The following RASA1 variants were observed in gnomAD, a reference collection of about 807,000 sequenced individuals.
RASA1 encodes RAS p21 protein activator 1, also known as ras GTPase-activating protein 1.
In RASA1, 25 loss-of-function variants were observed where a neutral mutation model predicts 132.2. The ratio of observed to expected loss-of-function variants is 0.19; its 90% CI spans 0.14 to 0.26. RASA1 has a LOEUF of 0.26. Among genes scored for constraint, RASA1 ranks in the 10% least tolerant of loss-of-function variants. The probability of loss-of-function intolerance (pLI) is 1.00; values close to 1 mark genes in which losing one functional copy is unlikely to be tolerated. For missense variants in RASA1, 964 were observed against 1,299.2 expected, an observed-to-expected ratio of 0.74 and a Z score of 3.97; for synonymous variants, 477 against 449.9, an observed-to-expected ratio of 1.06 and a Z score of -0.76.
At chr5:87,290,324 A>T (rs1754860224) in intron 1 of RASA1, among the ~76,000 whole-genome samples, 1 of 152,208 alleles carries the variant, frequency 6.6e-6, no homozygotes, top group Non-Finnish European at 1.5e-5. Flanking sequence ...TATTTCCCCT[A>T]GTTCACTTTT....
rs2112222218 is a variant in RASA1 at position 87,268,549 on chromosome 5, T to C, written c.98T>C (p.Val33Ala). 1 of 1,602,488 alleles carries C rather than the reference T, an allele frequency of 6.2e-7. No individual in the cohort carries two copies. Among genetic ancestry groups the C allele is most frequent in the Non-Finnish European group, 8.5e-7 (1 of 1,175,840 alleles). The change falls in exon 1 of 25, where the codon GTG becomes GCG. Residue 33 changes from valine to alanine, a missense_variant. Around this residue, in one of 6 missense-constraint regions of RASA1, gnomAD observed 326 missense variants for 275.8 expected, o/e 1.18. Coordinates refer to ENST00000274376, the MANE Select transcript of RASA1 (RefSeq NM_002890.3). ...GCGGGCTCCAGTGCCTATCCCGCAG[T>C]GTGTCGGGTGAAGATACCCGCGGCC... is the stretch of plus-strand genomic sequence containing the variant. ...AAAGSSAYPAVCRVKIPAALP... is the reference protein window; with the variant it reads ...AAAGSSAYPAACRVKIPAALP...
At chr5:87,345,083 C>G (rs192466954) in intron 6 of RASA1, among the ~76,000 whole-genome samples, 20 of 152,174 alleles carry the variant, frequency 1.3e-4, no homozygotes, top group Admixed American at 5.9e-4. Flanking sequence ...AAGAGATCCT[C>G]CTGCCTTGGC....
rs1329367433 is a variant in RASA1 at position 87,363,334 on chromosome 5, T to G, written c.1454-14T>G. On this transcript the variant is annotated splice_polypyrimidine_tract_variant and intron_variant, in intron 10 of 24. Transcript: ENST00000274376. ...TTGTTTGGCTAAGAGAAAACAATTT[T>G]TTTTTTTAAACAGGCAAAGGAAAAC... 1 of 1,594,666 alleles carries G rather than the reference T, an allele frequency of 6.3e-7. No individual in the cohort carries two copies.
intron 21 of RASA1, among the ~76,000 whole-genome samples, chr5:87,384,168 T>C (rs977967411): frequency 1.1e-4 from 17 of 152,202 alleles, no homozygotes; most frequent in Non-Finnish European, 1.9e-4. Context: ...TTAAATGATA[T>C]GTACAGTTGG....
At chr5:87,387,259 G>A (rs1288664223) in intron 23 of RASA1, among the ~76,000 whole-genome samples, 22 of 152,048 alleles carry the variant, frequency 1.4e-4, no homozygotes, top group Non-Finnish European at 2.8e-4. Context: ...TATGTGGGGC[G>A]TGAAGCAAGA....
intron 9 of RASA1, among the ~76,000 whole-genome samples, chr5:87,359,633 C>T (rs1023750930): frequency 6.6e-6 from 1 of 152,054 alleles, no homozygotes; most frequent in South Asian, 2.1e-4. Context: ...AGTGCCATCA[C>T]CATTGAACTA....
In RASA1 at chr5:87,376,517, C is replaced by T. The variant is rs781291507; in HGVS notation, c.2136C>T (p.Tyr712=). 20 of 1,613,806 alleles carry T rather than the reference C, an allele frequency of 1.2e-5. No individual in the cohort carries two copies. The highest frequency in any genetic ancestry group is 3.3e-5 in the Admixed American group (2 of 60,002). ...GGTCCCTGCGTGTTCGAGCACGATACTCTATGGAAAAAATCATGCCAGAAG... is the reference window on the plus strand; with the variant it reads ...GGTCCCTGCGTGTTCGAGCACGATATTCTATGGAAAAAATCATGCCAGAAG... ...EPGSLRVRAR[Y]SMEKIMPEEE... The change falls in exon 16 of 25, where the codon TAC becomes TAT. Residue 712 remains tyrosine (Y), a synonymous_variant. Coordinates refer to ENST00000274376, the MANE Select transcript of RASA1 (RefSeq NM_002890.3).
At chr5:87,327,233 G>T (rs766897744) in intron 1 of RASA1, among the ~76,000 whole-genome samples, 7 of 152,196 alleles carry the variant, frequency 4.6e-5, no homozygotes, top group African/African-American at 7.2e-5. Context: ...CTGAGGCTCA[G>T]AGATAAAGTA....
intron 6 of RASA1, among the ~76,000 whole-genome samples, chr5:87,344,853 A>G (rs1758738661): frequency 6.6e-6 from 1 of 151,694 alleles, no homozygotes; most frequent in South Asian, 2.1e-4. Context: ...GCTGCTTCCT[A>G]GGCCAGAATT....
intron 1 of RASA1, among the ~76,000 whole-genome samples, chr5:87,288,491 T>C (rs1427793853): frequency 6.6e-6 from 1 of 152,146 alleles, no homozygotes; most frequent in African/African-American, 2.4e-5. Context: ...GACCTGACAG[T>C]ACCTGCTTGG....
At position 87,369,147 on chromosome 5, in the gene RASA1, C is replaced by T. The variant is rs1183468551; in HGVS notation, c.1611-666C>T. ...AGTAACATTTATTGAGTTCCAAAAA[C>T]ATGCAGGCCCTTAATAAAGATTTTA... On this transcript the variant is annotated intron_variant, in intron 11 of 24. Transcript: ENST00000274376. Among the ~76,000 whole-genome samples, 3 of 152,114 alleles carry T rather than the reference C, an allele frequency of 2.0e-5. No homozygotes were observed. In the East Asian group the frequency reaches 5.8e-4, roughly 29 times the overall value.
intron 4 of RASA1, among the ~76,000 whole-genome samples, chr5:87,337,417 C>T (rs939960854): frequency 6.6e-6 from 1 of 152,038 alleles, no homozygotes; most frequent in African/African-American, 2.4e-5. Context: ...TAATGGGTAT[C>T]TGGGTGAATT....
intron 1 of RASA1, among the ~76,000 whole-genome samples, chr5:87,293,148 A>G (rs991046193): frequency 5.9e-5 from 9 of 151,882 alleles, no homozygotes; most frequent in Admixed American, 1.3e-4. Flanking sequence ...ATTTTGAAAA[A>G]CAGTGGTAAG....
chr5:87,330,967 C>T, intron 1 of RASA1: 1 of 1,433,508 alleles, frequency 7.0e-7, no homozygotes, highest in Non-Finnish European at 9.1e-7. Context: ...GTCATGGTTC[C>T]TCAGTATAAG....
intron 1 of RASA1, among the ~76,000 whole-genome samples, chr5:87,321,812 C>T (rs1376021015): frequency 6.6e-6 from 1 of 152,176 alleles, no homozygotes; most frequent in Non-Finnish European, 1.5e-5. Flanking sequence ...TCAGCACTTT[C>T]CCCAATGGGA....
At position 87,389,410 on chromosome 5, in the gene RASA1, G is replaced by T. The variant is rs761753589; in HGVS notation, c.2943G>T (p.Pro981=). ...CCTTAAAGAATGTACCTGAACTTCC[G>T]GACACTACAGAGCATTCTAGAACGG... ...LDELGNVPEL[P]DTTEHSRTDL... Residue 981 remains proline, a synonymous_variant, in exon 24 of 25, where the codon CCG becomes CCT. Transcript: ENST00000274376. 8.1e-6 allele frequency: 13 copies of T among 1,614,006 alleles called. No individual in the cohort carries two copies. Among genetic ancestry groups the T allele is most frequent in the Non-Finnish European group, 1.0e-5 (12 of 1,179,940 alleles).
chr5:87,294,303 C>T (rs1755027589), intron 1 of RASA1: 1 of 152,170 alleles, frequency 6.6e-6, no homozygotes, highest in African/African-American at 2.4e-5. Flanking sequence ...GTGGTTCACC[C>T]CTCCTTAGGC....
chr5:87,325,654 G>C (rs1384391397), intron 1 of RASA1, among the ~76,000 whole-genome samples: 1 of 152,152 alleles, frequency 6.6e-6, no homozygotes, highest in Non-Finnish European at 1.5e-5. Context: ...TAACCAAAAG[G>C]AAAAACCAAG....
chr5:87,311,394 A>T (rs1273412482), intron 1 of RASA1, among the ~76,000 whole-genome samples: 1 of 152,204 alleles, frequency 6.6e-6, no homozygotes, highest in Admixed American at 6.5e-5. Flanking sequence ...GATGAGATTG[A>T]TGGTTGTCAG....
Sources: gnomAD v4.1 joint callset for allele counts (sites outside exome capture counted in the v4.1 genomes callset) on GRCh38, gnomAD v4.1.1 for gene constraint, gnomAD v4.1.1 regional missense constraint, MANE v1.5 for transcripts, NCBI Gene and HGNC (gene_info 2026-07-23, HGNC 2026-07-21) for gene names.